Variants in SERPINB2 observed in about 807,000 individuals in gnomAD.
SERPINB2 encodes serpin family B member 2.
In SERPINB2, 28 loss-of-function variants were observed where a neutral mutation model predicts 39.4. That is an observed-to-expected ratio of 0.71 (90% CI 0.53 to 0.97). The LOEUF is 0.97. Ranked by LOEUF, SERPINB2 falls within the 50% of genes least tolerant of loss-of-function variation. SERPINB2 has a pLI of 0.00. For missense variants in SERPINB2, 557 were observed against 505.3 expected (o/e 1.10, Z -0.98); for synonymous variants, 209 against 175.1 (o/e 1.19, Z -1.53).
intron 5 of SERPINB2, among the ~76,000 whole-genome samples, chr18:63,899,498 CAG>C (rs1346970155): frequency 2.0e-5 from 3 of 151,890 alleles, no homozygotes; most frequent in Non-Finnish European, 4.4e-5. Flanking sequence ...TTCTAAGAAA[CAG>C]AGATGATTAT....
chr18:63,898,653 A>G (rs887020703), intron 5 of SERPINB2, among the ~76,000 whole-genome samples: 35 of 152,174 alleles, frequency 2.3e-4, no homozygotes, highest in African/African-American at 8.4e-4. Flanking sequence ...GGCAATTGCT[A>G]TAGAGTAGTA....
rs1237724917 is a variant in SERPINB2 at position 63,901,899 on chromosome 18, T to C, written c.678+17T>C. Reference sequence around the variant, plus strand: ...GTAAACTCGGTATGAGACAACAAAATACATCTTCCTAGCATATATTTTAGG... The same window carrying C: ...GTAAACTCGGTATGAGACAACAAAACACATCTTCCTAGCATATATTTTAGG... On this transcript the variant is annotated intron_variant, in intron 6 of 7. Coordinates refer to ENST00000299502, the MANE Select transcript of SERPINB2 (RefSeq NM_002575.3). The C allele has an allele frequency of 3.1e-6, 5 of 1,590,156 alleles. No individual in the cohort carries two copies. The highest frequency in any genetic ancestry group is 4.3e-6 in the Non-Finnish European group (5 of 1,173,138).
At chr18:63,895,066 G>T (rs2049950248) in intron 2 of SERPINB2, among the ~76,000 whole-genome samples, 198 bp from the exon 3 acceptor site, 1 of 152,050 alleles carries the variant, frequency 6.6e-6, no homozygotes, top group African/African-American at 2.4e-5. Context: ...ACCTCATGCT[G>T]TTTTCTATAA....
chr18:63,891,126 T>C (rs1044750754), intron 1 of SERPINB2, among the ~76,000 whole-genome samples: 19 of 152,304 alleles, frequency 1.2e-4, no homozygotes, highest in African/African-American at 4.6e-4. Context: ...AAACACTTCA[T>C]GTATCTCAGG....
intron 5 of SERPINB2, among the ~76,000 whole-genome samples, chr18:63,899,271 T>TAA (rs140781139): frequency 0.015 from 2,213 of 152,296 alleles, 66 homozygotes; most frequent in African/African-American, 0.05. Flanking sequence ...TATATGGCCT[T>TAA]AAACAATTAT....
At chr18:63,889,610 T>C (rs1443664945) in intron 1 of SERPINB2, among the ~76,000 whole-genome samples, 3 of 152,134 alleles carry the variant, frequency 2.0e-5, no homozygotes, top group African/African-American at 7.2e-5. Flanking sequence ...TCAGTTTGTT[T>C]CCAAAAGATA....
intron 6 of SERPINB2, among the ~76,000 whole-genome samples, chr18:63,902,109 T>C (rs886776463): frequency 2.0e-5 from 3 of 152,176 alleles, no homozygotes; most frequent in African/African-American, 7.2e-5. Context: ...TTCAAAGGGC[T>C]GTAAATATTG....
intron 7 of SERPINB2, 121 bp from the exon 8 acceptor site, chr18:63,902,780 T>C: frequency 8.3e-7 from 1 of 1,201,230 alleles, no homozygotes; most frequent in Non-Finnish European, 1.1e-6. Context: ...CTGTTAACTT[T>C]CTATATCACC....
chr18:63,897,551 C>T (rs767605828), intron 4 of SERPINB2, among the ~76,000 whole-genome samples, 176 bp from the exon 5 acceptor site: 39 of 151,948 alleles, frequency 2.6e-4, no homozygotes, highest in Admixed American at 6.6e-5. Context: ...GGGGAGTAAG[C>T]GTGGACAAAG....
At chr18:63,899,113 C>G (rs752175305) in intron 5 of SERPINB2, among the ~76,000 whole-genome samples, 3 of 152,154 alleles carry the variant, frequency 2.0e-5, no homozygotes, top group Non-Finnish European at 4.4e-5. Flanking sequence ...TCTGAGGATG[C>G]CTCAACTACA....
In SERPINB2 at chr18:63,902,929, T is replaced by G. The variant is rs1568238618; in HGVS notation, c.872T>G (p.Leu291Arg). The change falls in exon 8 of 8, where the codon CTC becomes CGC. Residue 291 changes from leucine (L) to arginine (R), a missense_variant. By Grantham distance (102) the Leu-to-Arg change is moderately radical (BLOSUM62 -2). Transcript: ENST00000299502. ...LLESEITYDK[L>R]NKWTSKDKMA... ...GAAAGTGAAATAACCTATGACAAAC[T>G]CAACAAGTGGACCAGCAAAGACAAA... The G allele has an allele frequency of 6.2e-7, 1 of 1,610,988 alleles. No individual in the cohort carries two copies. Among genetic ancestry groups the G allele is most frequent in the Non-Finnish European group, 8.5e-7 (1 of 1,178,552 alleles).
intron 1 of SERPINB2, among the ~76,000 whole-genome samples, chr18:63,889,160 G>A (rs62099124): frequency 0.024 from 3,675 of 152,202 alleles, 128 homozygotes; most frequent in African/African-American, 0.072. Context: ...AAATTACTAA[G>A]CCTTACTGGA....
intron 1 of SERPINB2, among the ~76,000 whole-genome samples, chr18:63,890,283 G>A (rs1189097375): frequency 6.6e-6 from 1 of 152,166 alleles, no homozygotes; most frequent in African/African-American, 2.4e-5. Flanking sequence ...GGAGAGCAAT[G>A]CTGTGTGAGA....
chr18:63,887,916 T>C (rs1436087025), intron 1 of SERPINB2, 146 bp downstream of exon 1: 2 of 152,214 alleles, frequency 1.3e-5, no homozygotes, highest in Admixed American at 1.3e-4. Context: ...TCTTGTTTAG[T>C]TGTTGAATTG....
At chr18:63,895,169 C>A (rs2144699683) in intron 2 of SERPINB2, 95 bp from the exon 3 acceptor site, 2 of 1,456,692 alleles carry the variant, frequency 1.4e-6, no homozygotes, top group East Asian at 4.6e-5. Flanking sequence ...GGGAAAAGAT[C>A]TAGGACCATT....
chr18:63,891,453 T>A lies in SERPINB2; in HGVS notation c.9T>A (p.Asp3Glu), dbSNP rs745587184. 1.2e-6 allele frequency: 2 copies of A among 1,614,130 alleles called. No homozygotes were observed. Among genetic ancestry groups the A allele is most frequent in the East Asian group, 4.5e-5 (2 of 44,876 alleles). ...GCTTCTAGATTGAAACAATGGAGGATCTTTGTGTGGCAAACACACTCTTTG... is the reference window on the plus strand; with the variant it reads ...GCTTCTAGATTGAAACAATGGAGGAACTTTGTGTGGCAAACACACTCTTTG... Reference protein sequence around the residue: MEDLCVANTLFAL... With the variant: MEELCVANTLFAL... Residue 3 changes from aspartate to glutamate, a missense_variant, in exon 2 of 8, where the codon GAT becomes GAA. Coordinates refer to ENST00000299502, the MANE Select transcript of SERPINB2 (RefSeq NM_002575.3).
chr18:63,893,644 A>G (rs2049941034), intron 2 of SERPINB2, among the ~76,000 whole-genome samples: 1 of 152,312 alleles, frequency 6.6e-6, no homozygotes, highest in Middle Eastern at 3.4e-3. Flanking sequence ...GGACATTGAA[A>G]CCATTTGCAT....
chr18:63,891,242 A>T (rs114026914), intron 1 of SERPINB2, among the ~76,000 whole-genome samples, 194 bp from the exon 2 acceptor site: 257 of 152,186 alleles, frequency 1.7e-3, no homozygotes, highest in African/African-American at 5.9e-3. Context: ...TTGGCTAAAC[A>T]AGGGGCTTTT....
intron 1 of SERPINB2, among the ~76,000 whole-genome samples, chr18:63,888,315 T>C (rs1172258969): frequency 6.6e-6 from 1 of 152,172 alleles, no homozygotes; most frequent in African/African-American, 2.4e-5. Context: ...GTCAATTTAG[T>C]GAAAGAGAAT....
Sources: gnomAD v4.1 joint callset for allele counts (sites outside exome capture counted in the v4.1 genomes callset) on GRCh38, gnomAD v4.1.1 for gene constraint, MANE v1.5 for transcripts, NCBI Gene and HGNC (gene_info 2026-07-23, HGNC 2026-07-21) for gene names.